Variants in PKHD1 observed in about 807,000 individuals in gnomAD.
PKHD1 encodes fibrocystin.
In PKHD1, 291 loss-of-function variants were observed where a neutral mutation model predicts 412.0. That is an observed-to-expected ratio of 0.71 (90% CI 0.64 to 0.78). PKHD1 has a LOEUF of 0.78. PKHD1 is among the 30% of genes least tolerant of loss of function. The probability of loss-of-function intolerance (pLI) is 0.00; values close to 1 mark genes in which losing one functional copy is unlikely to be tolerated. For synonymous variants in PKHD1, 1,777 were observed against 1,821.5 expected (o/e 0.98, Z 0.62); for missense variants, 4,825 against 4,950.7 (o/e 0.97, Z 0.76).
intron 48 of PKHD1, among the ~76,000 whole-genome samples, chr6:51,864,274 T>G (rs982107982): frequency 1.3e-5 from 2 of 152,158 alleles, no homozygotes; most frequent in Admixed American, 1.3e-4. Flanking sequence ...TGTCAGACTT[T>G]CCTTGGAAAG....
At chr6:51,945,616 T>C (rs1217789793) in intron 36 of PKHD1, among the ~76,000 whole-genome samples, 1 of 152,242 alleles carries the variant, frequency 6.6e-6, no homozygotes, top group East Asian at 1.9e-4. Context: ...ATGAGATGCA[T>C]AGTCAGGAAT....
At chr6:51,856,134 A>G (rs1773269351) in intron 48 of PKHD1, 64 bp from the exon 49 acceptor site, 1 of 940,006 alleles carries the variant, frequency 1.1e-6, no homozygotes, top group African/African-American at 1.6e-5. Flanking sequence ...TGAATCCAAT[A>G]CATTCCTCTT....
At chr6:51,913,245 G>T (rs1253093930) in intron 37 of PKHD1, among the ~76,000 whole-genome samples, 1 of 152,022 alleles carries the variant, frequency 6.6e-6, no homozygotes, top group Non-Finnish European at 1.5e-5. Context: ...TCTTAGAGTT[G>T]TCATAAGTCT....
intron 48 of PKHD1, among the ~76,000 whole-genome samples, chr6:51,865,658 G>C (rs967568645): frequency 1.3e-5 from 2 of 152,166 alleles, no homozygotes; most frequent in Admixed American, 1.3e-4. Flanking sequence ...GAAGACAGCA[G>C]GGTGCTTATG....
At chr6:51,979,517 C>T (rs1794874599) in intron 35 of PKHD1, among the ~76,000 whole-genome samples, 1 of 151,932 alleles carries the variant, frequency 6.6e-6, no homozygotes, top group Non-Finnish European at 1.5e-5. Flanking sequence ...TAACCTCACT[C>T]ATTCATTCTC....
chr6:52,043,144 G>C lies in PKHD1; in HGVS notation c.2822-10C>G. The C allele has an allele frequency of 6.2e-7, 1 of 1,602,678 alleles. No homozygotes were observed. Among genetic ancestry groups the C allele is most frequent in the Non-Finnish European group, 8.5e-7 (1 of 1,170,888 alleles). On this transcript the variant is annotated splice_polypyrimidine_tract_variant and intron_variant, in intron 26 of 66. Transcript: ENST00000371117. Reference sequence around the variant, plus strand: ...AGGTTGATGTCACCATCTTAAAGGAGAAAAGAAATTAAAAAACAAATAAAA... The same window carrying C: ...AGGTTGATGTCACCATCTTAAAGGACAAAAGAAATTAAAAAACAAATAAAA...
At chr6:51,952,859 T>C (rs981510116) in intron 36 of PKHD1, among the ~76,000 whole-genome samples, 11 of 151,992 alleles carry the variant, frequency 7.2e-5, no homozygotes, top group Middle Eastern at 3.2e-3. Context: ...AGGAAGAAAA[T>C]TTACTCATTC....
intron 37 of PKHD1, 89 bp downstream of exon 37, chr6:51,934,021 C>T (rs1787064785): frequency 2.0e-6 from 2 of 1,009,126 alleles, no homozygotes; most frequent in East Asian, 2.4e-5. Flanking sequence ...GGCTCAGCAA[C>T]TATAGTCAAG....
At chr6:51,652,146 C>G (rs901304823) in intron 61 of PKHD1, among the ~76,000 whole-genome samples, 6 of 152,026 alleles carry the variant, frequency 3.9e-5, no homozygotes, top group Non-Finnish European at 8.8e-5. Flanking sequence ...CAGTTTTTAC[C>G]ATTATTTAAT....
intron 60 of PKHD1, among the ~76,000 whole-genome samples, chr6:51,732,178 G>A (rs1188284893): frequency 6.6e-6 from 1 of 151,972 alleles, no homozygotes; most frequent in Non-Finnish European, 1.5e-5. Context: ...AGTCACACTG[G>A]TGCATTATAT....
At position 51,981,351 on chromosome 6, in the gene PKHD1, C is replaced by A. The variant is rs1351295187; in HGVS notation, c.5752-21325G>T. 8.9e-4 allele frequency among the ~76,000 whole-genome samples: 99 copies of A among 110,692 alleles called. 1 individual carries two copies. The highest frequency in any genetic ancestry group is 3.2e-3 in the African/African-American group (99 of 30,496). 72.6% of individuals were successfully genotyped at this position (110,692 alleles called of 152,430 possible). The stretch of plus-strand genomic sequence containing the variant: ...TCCCTCTCCCTCTCCCTCTCCCTCT[C>A]CCTCTCCCTCTCCCTCTCCCTCCAC... On this transcript the variant is annotated intron_variant, in intron 35 of 66. Coordinates refer to ENST00000371117, the MANE Select transcript of PKHD1 (RefSeq NM_138694.4).
At chr6:51,848,780 G>A (rs1358523563) in intron 49 of PKHD1, among the ~76,000 whole-genome samples, 1 of 152,044 alleles carries the variant, frequency 6.6e-6, no homozygotes, top group East Asian at 1.9e-4. Flanking sequence ...AGGACTGTTA[G>A]CAAGAATGTG....
intron 52 of PKHD1, among the ~76,000 whole-genome samples, chr6:51,824,494 G>A (rs1335121817): frequency 6.6e-6 from 1 of 152,078 alleles, no homozygotes; most frequent in Non-Finnish European, 1.5e-5. Context: ...GTTCACTAAG[G>A]TCTATGATTC....
At chr6:51,968,973 G>A (rs1420092896) in intron 35 of PKHD1, among the ~76,000 whole-genome samples, 1 of 152,148 alleles carries the variant, frequency 6.6e-6, no homozygotes, top group Non-Finnish European at 1.5e-5. Flanking sequence ...GAATATGATG[G>A]GCTATCACTC....
At chr6:51,801,654 T>TGTGTGTGTGTGTGTGTGTGAGAGAGAGA (rs751203950) in intron 52 of PKHD1, among the ~76,000 whole-genome samples, 2 of 114,210 alleles carry the variant, frequency 1.8e-5, no homozygotes, top group African/African-American at 3.8e-5. Context: ...TGTGTGTGTG[T>TGTGTGTGTGTGTGTGTGTGAGAGAGAGA]GAGAGAGAGA....
chr6:51,911,897 G>C lies in PKHD1; in HGVS notation c.6392C>G (p.Thr2131Ser). Residue 2131 changes from threonine (T) to serine (S), a missense_variant, in exon 39 of 67, where the codon ACT (threonine) becomes AGT (serine). Thr to Ser is a moderately conservative substitution (Grantham distance 58, BLOSUM62 1). Coordinates refer to ENST00000371117, the MANE Select transcript of PKHD1 (RefSeq NM_138694.4). ...VAGEHHILKA[T>S]VALLSRSITI... Reference sequence around the variant, plus strand: ...AATACTCCTGCTGAGCAGAGCCACAGTGGCCTTTAAAATATGGTGCTCTCC... The same window carrying C: ...AATACTCCTGCTGAGCAGAGCCACACTGGCCTTTAAAATATGGTGCTCTCC... 2 of 1,611,578 alleles carry C rather than the reference G, an allele frequency of 1.2e-6. No homozygotes were observed. Among genetic ancestry groups the C allele is most frequent in the Non-Finnish European group, 1.7e-6 (2 of 1,178,046 alleles).
In PKHD1 at chr6:52,070,424, G is replaced by A. The variant is rs977410022; in HGVS notation, c.689C>T (p.Ser230Leu). Residue 230 changes from serine (S) to leucine (L), a missense_variant, in exon 10 of 67, where the codon TCA becomes TTA. Physicochemically the swap from Ser to Leu is moderately radical, Grantham distance 145. Transcript: ENST00000371117. ...DYIGSQNVSF[S>L]VFNKGKSMVH... ...TACTTACTTTCCTTTGTTAAATACT[G>A]AGAAGCTAACATTCTGGGAGCCTGT... 8.1e-6 allele frequency: 13 copies of A among 1,609,616 alleles called. No individual in the cohort carries two copies. In the African/African-American group the frequency reaches 1.6e-4, roughly 20 times the overall value.
intron 60 of PKHD1, among the ~76,000 whole-genome samples, chr6:51,718,388 T>G (rs893188138): frequency 3.3e-5 from 5 of 152,220 alleles, no homozygotes; most frequent in Non-Finnish European, 7.3e-5. Flanking sequence ...TCATGATTAT[T>G]TCTCCTGGGA....
At chr6:51,685,392 TG>T (rs1777279852) in intron 60 of PKHD1, among the ~76,000 whole-genome samples, 1 of 152,176 alleles carries the variant, frequency 6.6e-6, no homozygotes, top group Non-Finnish European at 1.5e-5. Context: ...GTCTATGGGC[TG>T]ATTATACGCT....
Sources: gnomAD v4.1 joint callset for allele counts (sites outside exome capture counted in the v4.1 genomes callset) on GRCh38, gnomAD v4.1.1 for gene constraint, MANE v1.5 for transcripts, NCBI Gene and HGNC (gene_info 2026-07-23, HGNC 2026-07-21) for gene names.